The following LRGUK variants were observed in gnomAD, a reference collection of about 807,000 sequenced individuals.
The protein encoded by LRGUK is leucine rich repeats and guanylate kinase domain containing.
LRGUK carries 65 observed loss-of-function variants against 76.0 expected under a neutral mutation model. That is an observed-to-expected ratio of 0.85 (90% CI 0.70 to 1.05). The LOEUF (loss-of-function observed/expected upper bound fraction) is 1.05. Among genes scored for constraint, LRGUK ranks in the 50% least tolerant of loss-of-function variants. LRGUK has a pLI of 0.00. For synonymous variants in LRGUK, 268 were observed against 265.6 expected (o/e 1.01, Z -0.09); for missense variants, 758 against 732.8 (o/e 1.03, Z -0.40).
At position 134,177,615 on chromosome 7, in the gene LRGUK, A is replaced by G. The variant is rs558525101; in HGVS notation, c.1107+552A>G. On this transcript the variant is annotated intron_variant, in intron 9 of 15. Transcript: ENST00000645682. ...CTCCCTGCTTTTCATACTCATGGTCACTGCTTTGTCTTGCTTTAGTAGCTG... is the reference window on the plus strand; with the variant it reads ...CTCCCTGCTTTTCATACTCATGGTCGCTGCTTTGTCTTGCTTTAGTAGCTG... Among the ~76,000 whole-genome samples the G allele has an allele frequency of 3.9e-5, 6 of 152,314 alleles. No homozygotes were observed. The East Asian group carries it at 1.2e-3, about 29-fold the overall frequency.
At chr7:134,226,873 A>G (rs1182340750) in intron 16 of LRGUK, among the ~76,000 whole-genome samples, 3 of 152,162 alleles carry the variant, frequency 2.0e-5, no homozygotes, top group Non-Finnish European at 4.4e-5. Flanking sequence ...CCTCAGCTGT[A>G]CTTCTTTATA....
intron 9 of LRGUK, 25 bp downstream of exon 9, chr7:134,177,088 C>G (rs551798420): frequency 1.4e-6 from 2 of 1,443,190 alleles, no homozygotes; most frequent in Non-Finnish European, 1.9e-6. Context: ...CATAACATTA[C>G]CATTGTGTTA....
At chr7:134,253,761 G>T (rs1056993126) in intron 18 of LRGUK, among the ~76,000 whole-genome samples, 1 of 152,226 alleles carries the variant, frequency 6.6e-6, no homozygotes, top group Non-Finnish European at 1.5e-5. Context: ...GTTGCAGTGA[G>T]CCAGGATGGT....
At position 134,176,908 on chromosome 7, in the gene LRGUK, C is replaced by T. The variant is rs182879859; in HGVS notation, c.1021-69C>T. The T allele has an allele frequency of 6.8e-4, 611 of 904,926 alleles. 5 individuals are homozygous for T. The East Asian group carries it at 0.014, about 21-fold the overall frequency. 56.1% of individuals were successfully genotyped at this position (904,926 alleles called of 1,614,324 possible). A position where few individuals can be genotyped will look rare whatever the true frequency, so the allele number is the denominator to read the frequency against. On this transcript the variant is annotated intron_variant, in intron 8 of 15. Coordinates refer to ENST00000645682, the Ensembl canonical transcript of LRGUK. The stretch of plus-strand genomic sequence containing the variant: ...GGTGAAAGGCCCAAGCTCATGAAAA[C>T]CCAATGCTGGTGCTTGTTGATTTGG...
At chr7:134,258,981 G>A (rs1381038916) in intron 19 of LRGUK, among the ~76,000 whole-genome samples, 2 of 152,118 alleles carry the variant, frequency 1.3e-5, no homozygotes, top group African/African-American at 2.4e-5. Context: ...TATCTGCAGC[G>A]GTCTGGGACA....
At chr7:134,130,494 C>T (rs2116789706) in intron 1 of LRGUK, among the ~76,000 whole-genome samples, 1 of 152,258 alleles carries the variant, frequency 6.6e-6, no homozygotes, top group African/African-American at 2.4e-5. Flanking sequence ...ATTATTTCTT[C>T]CATTTACATT....
exon 4 of LRGUK, chr7:134,143,084 G>T (rs771550078): frequency 6.2e-7 from 1 of 1,601,284 alleles, no homozygotes; most frequent in Non-Finnish European, 8.6e-7. Context: ...TGAGTTGTAT[G>T]CCTTATCTCC....
intron 16 of LRGUK, among the ~76,000 whole-genome samples, chr7:134,246,934 C>G (rs1049945576): frequency 6.6e-6 from 1 of 152,178 alleles, no homozygotes; most frequent in African/African-American, 2.4e-5. Flanking sequence ...TGTATCAATG[C>G]ATCCTCTGTT....
At chr7:134,228,141 A>G (rs1801806010) in intron 16 of LRGUK, among the ~76,000 whole-genome samples, 2 of 152,228 alleles carry the variant, frequency 1.3e-5, no homozygotes, top group Non-Finnish European at 1.5e-5. Context: ...AAAAAAAGTA[A>G]TAACAATTAG....
At chr7:134,196,139 C>T (rs944235213) in intron 12 of LRGUK, among the ~76,000 whole-genome samples, 5 of 152,180 alleles carry the variant, frequency 3.3e-5, no homozygotes, top group African/African-American at 9.7e-5. Flanking sequence ...ATTTCAAAAT[C>T]ACATATATGA....
downstream of LRGUK, among the ~76,000 whole-genome samples, chr7:134,268,545 C>T (rs1802901213): frequency 6.6e-6 from 1 of 151,886 alleles, no homozygotes; most frequent in African/African-American, 2.4e-5. Flanking sequence ...CACTGAAGAA[C>T]CAATTGCTAA....
At chr7:134,148,094 T>G in intron 4 of LRGUK, 144 bp from the exon 5 acceptor site, 2 of 571,948 alleles carry the variant, frequency 3.5e-6, no homozygotes, top group Non-Finnish European at 6.0e-6. Context: ...TAAAGACAGA[T>G]GATTCTTTTA....
chr7:134,164,541 T>C (rs1255672251), intron 7 of LRGUK, among the ~76,000 whole-genome samples: 1 of 152,238 alleles, frequency 6.6e-6, no homozygotes, highest in African/African-American at 2.4e-5. Context: ...TGCTGTAAGG[T>C]CTACAACGTT....
chr7:134,194,873 C>G (rs566714471), intron 12 of LRGUK, among the ~76,000 whole-genome samples: 1 of 152,100 alleles, frequency 6.6e-6, no homozygotes. Context: ...TAGACAGAGC[C>G]GATTTTTCAA....
rs1800660668 is a variant in LRGUK at position 134,199,512 on chromosome 7, C to T, written c.1747+91C>T. The T allele has an allele frequency of 6.0e-6, 7 of 1,160,156 alleles. No individual in the cohort carries two copies. In the East Asian group the frequency reaches 1.2e-4, roughly 20 times the overall value. 71.9% of individuals were successfully genotyped at this position (1,160,156 alleles called of 1,614,324 possible). A position where few individuals can be genotyped will look rare whatever the true frequency, so the allele number is the denominator to read the frequency against. ...TGGGGATAAAATTCTTGGGTAAAAGCTATTTTTCTTGTAACGGTGAATCAC... is the reference window on the plus strand; with the variant it reads ...TGGGGATAAAATTCTTGGGTAAAAGTTATTTTTCTTGTAACGGTGAATCAC... On this transcript the variant is annotated intron_variant, in intron 14 of 15. Transcript: ENST00000645682.
At chr7:134,274,900 CT>C in the LRGUK span, among the ~76,000 whole-genome samples, 1 of 151,904 alleles carries the variant, frequency 6.6e-6, no homozygotes, top group African/African-American at 2.4e-5. Context: ...TCAAATCTGT[CT>C]TTCATTTCAG....
At chr7:134,209,739 C>T (rs2117121730) in exon 16 of LRGUK, 1 of 399,978 alleles carries the variant, frequency 2.5e-6, no homozygotes, top group Non-Finnish European at 4.4e-6. Flanking sequence ...CACTCAAAAC[C>T]ACCACCAAAT....
At chr7:134,199,324 C>G in exon 14 of LRGUK, 1 of 1,613,754 alleles carries the variant, frequency 6.2e-7, no homozygotes, top group Non-Finnish European at 8.5e-7. Flanking sequence ...AAGGATTATT[C>G]AGTCGTGCAG....
rs775076991 is a variant in LRGUK at position 134,163,390 on chromosome 7, GT to G, written c.796-3del. 4.4e-6 allele frequency: 7 copies of G among 1,602,988 alleles called. No individual in the cohort carries two copies. The African/African-American group carries it at 9.4e-5, about 22-fold the overall frequency. On this transcript the variant is annotated splice_polypyrimidine_tract_variant and splice_region_variant and intron_variant, in intron 6 of 15. Transcript: ENST00000645682. ...TGAGACATTAAATATATTTTTTTCT[GT>G]TTTAGAGCAATAACCAGATTGAGAT...
Sources: allele counts gnomAD v4.1 joint callset (sites outside exome capture counted in the v4.1 genomes callset), GRCh38; gene constraint gnomAD v4.1.1; transcripts MANE v1.5; gene names NCBI Gene and HGNC (gene_info 2026-07-23, HGNC 2026-07-21).